GTSF1: variants seen among roughly 807,000 people sequenced by gnomAD.
GTSF1 encodes gametocyte specific factor 1.
GTSF1 carries 11 observed loss-of-function variants against 28.9 expected under a neutral mutation model. The ratio of observed to expected loss-of-function variants is 0.38; its 90% CI spans 0.24 to 0.63. The LOEUF is 0.63. Among genes scored for constraint, GTSF1 ranks in the 30% least tolerant of loss-of-function variants. The pLI is 0.56. For synonymous variants in GTSF1, 69 were observed against 65.6 expected (o/e 1.05, Z -0.25); for missense variants, 146 against 201.0 (o/e 0.73, Z 1.66).
intron 1 of GTSF1, among the ~76,000 whole-genome samples, chr12:54,473,263 AAAC>A (rs368778057): frequency 1.3e-3 from 197 of 152,190 alleles, no homozygotes; most frequent in African/African-American, 4.1e-3. Context: ...TTCTTCCTTT[AAAC>A]AACAACAACA....
chr12:54,469,404 C>T (rs547260191), intron 2 of GTSF1, among the ~76,000 whole-genome samples: 12 of 145,630 alleles, frequency 8.2e-5, no homozygotes, highest in Admixed American at 3.5e-4. Flanking sequence ...GAGACAGGGT[C>T]GGCCAGGCGT....
intron 6 of GTSF1, among the ~76,000 whole-genome samples, chr12:54,461,067 T>C (rs776309870): frequency 2.6e-5 from 4 of 152,048 alleles, no homozygotes; most frequent in Non-Finnish European, 5.9e-5. Context: ...AAGGTTTGAG[T>C]ATTGGTGTTA....
rs1956607899 is a variant in GTSF1, at chr12:54,472,793, C to T, written c.-30+753G>A. On this transcript the variant is annotated intron_variant, in intron 1 of 8. Coordinates refer to ENST00000305879, the MANE Select transcript of GTSF1 (RefSeq NM_144594.3). Reference sequence around the variant, plus strand: ...TGCTACTGAGCCCATTTGTTAATGACAATCATTAGTGAATTTGTCTTAAAA... The same window carrying T: ...TGCTACTGAGCCCATTTGTTAATGATAATCATTAGTGAATTTGTCTTAAAA... 2.0e-5 allele frequency: 3 copies of T among 152,122 alleles called. No homozygotes were observed. The South Asian group carries it at 6.2e-4, about 31-fold the overall frequency. 9.4% of individuals were successfully genotyped at this position (152,122 alleles called of 1,614,324 possible).
At chr12:54,457,244 A>G (rs1956347101) in intron 8 of GTSF1, among the ~76,000 whole-genome samples, 1 of 152,232 alleles carries the variant, frequency 6.6e-6, no homozygotes, top group Non-Finnish European at 1.5e-5. Context: ...AAGGAGTTTA[A>G]CCATAAAGAG....
chr12:54,467,330 T>TTC (rs1332367903), intron 2 of GTSF1, among the ~76,000 whole-genome samples: 1 of 152,030 alleles, frequency 6.6e-6, no homozygotes, highest in Non-Finnish European at 1.5e-5. Flanking sequence ...TTGTTTTTTT[T>TTC]TTTTGAGACG....
chr12:54,465,278 T>G, intron 2 of GTSF1, 111 bp from the exon 3 acceptor site: 1 of 585,872 alleles, frequency 1.7e-6, no homozygotes, highest in Non-Finnish European at 3.1e-6. Context: ...TAGAACAATA[T>G]AGTCTAAAGA....
intron 3 of GTSF1, among the ~76,000 whole-genome samples, chr12:54,464,079 G>A (rs1329483796): frequency 6.6e-6 from 1 of 152,172 alleles, no homozygotes; most frequent in Non-Finnish European, 1.5e-5. Context: ...GTAGGGAGAA[G>A]TCTGGAAAAA....
chr12:54,461,260 AT>A (rs879608739), intron 6 of GTSF1, among the ~76,000 whole-genome samples: 258 of 143,514 alleles, frequency 1.8e-3, no homozygotes, highest in African/African-American at 4.2e-3. Context: ...TGCCCAGCTT[AT>A]TTTTTTTTTT....
chr12:54,467,201 A>G (rs963084837), intron 2 of GTSF1, among the ~76,000 whole-genome samples: 8 of 152,084 alleles, frequency 5.3e-5, no homozygotes, highest in African/African-American at 1.9e-4. Context: ...GATACATCAT[A>G]TATGTGAAAT....
chr12:54,462,743 T>C lies in GTSF1; in HGVS notation c.245-18A>G, dbSNP rs748584895. ...TTGGTTGACTGCAAGACAATAAAGA[T>C]TGGATATAAGAGGGGGATATTGCCA... is the stretch of plus-strand genomic sequence containing the variant. On this transcript the variant is annotated intron_variant, in intron 4 of 8. Coordinates refer to ENST00000305879, the MANE Select transcript of GTSF1 (RefSeq NM_144594.3). 7.5e-6 allele frequency: 12 copies of C among 1,605,444 alleles called. No individual in the cohort carries two copies. The African/African-American group carries it at 9.4e-5, about 13-fold the overall frequency.
intron 8 of GTSF1, among the ~76,000 whole-genome samples, chr12:54,457,301 G>A (rs962137597): frequency 1.2e-4 from 19 of 152,276 alleles, no homozygotes; most frequent in Admixed American, 9.8e-4. Flanking sequence ...TATAGACACA[G>A]AAATTTCTCC....
At chr12:54,459,581 C>A in intron 7 of GTSF1, 1 of 506,316 alleles carries the variant, frequency 2.0e-6, no homozygotes, top group Non-Finnish European at 3.1e-6. Context: ...CCCAGCATGA[C>A]CTCTAAAGTC....
chr12:54,461,680 T>C (rs912297516), intron 6 of GTSF1, among the ~76,000 whole-genome samples: 3 of 152,124 alleles, frequency 2.0e-5, no homozygotes, highest in African/African-American at 4.8e-5. Flanking sequence ...GAAGAAGAGA[T>C]GCATATTCTT....
chr12:54,456,721 T>C (rs1253155977), intron 8 of GTSF1, among the ~76,000 whole-genome samples: 1 of 152,254 alleles, frequency 6.6e-6, no homozygotes, highest in Non-Finnish European at 1.5e-5. Context: ...CTTAAGGGCA[T>C]AGTCATATCT....
intron 2 of GTSF1, among the ~76,000 whole-genome samples, chr12:54,469,450 G>C: frequency 6.6e-6 from 1 of 151,832 alleles, no homozygotes. Flanking sequence ...ACTTTTGAGA[G>C]GCCAAGGTTG....
chr12:54,457,524 CCT>C (rs760110453), intron 8 of GTSF1, among the ~76,000 whole-genome samples: 8 of 152,210 alleles, frequency 5.3e-5, no homozygotes, highest in Non-Finnish European at 7.4e-5. Flanking sequence ...AAGCAATCCC[CCT>C]GTCTTGGTCT....
Position 54,473,578 on chromosome 12 carries a change from T to C in GTSF1, c.-62A>G, listed in dbSNP as rs1472142361. ...GACACACACCTTCCTCACAGTCACC[T>C]TCCTCCCACGCAAGCCCCAGCAACG... On this transcript the variant is annotated 5_prime_UTR_variant, in exon 1 of 9. Transcript: ENST00000305879. 1 of 152,234 alleles carries C rather than the reference T, an allele frequency of 6.6e-6. No individual in the cohort carries two copies. The highest frequency in any genetic ancestry group is 2.4e-5 in the African/African-American group (1 of 41,456). 9.4% of individuals were successfully genotyped at this position (152,234 alleles called of 1,614,324 possible).
intron 6 of GTSF1, among the ~76,000 whole-genome samples, chr12:54,461,405 T>A (rs1956421135): frequency 6.6e-6 from 1 of 152,222 alleles, no homozygotes; most frequent in Middle Eastern, 3.4e-3. Context: ...TAGTTTTCAA[T>A]TAGAGCTGGG....
chr12:54,456,645 A>C (rs1379855526), intron 8 of GTSF1, among the ~76,000 whole-genome samples: 1 of 152,234 alleles, frequency 6.6e-6, no homozygotes, highest in East Asian at 1.9e-4. Context: ...AAACACATTA[A>C]ATGCTAAGTG....
Sources: gnomAD v4.1 joint callset for allele counts (sites outside exome capture counted in the v4.1 genomes callset) on GRCh38, gnomAD v4.1.1 for gene constraint, MANE v1.5 for transcripts, NCBI Gene and HGNC (gene_info 2026-07-23, HGNC 2026-07-21) for gene names.